Variants in AGBL4 observed in about 807,000 individuals in gnomAD.
AGBL4 encodes AGBL carboxypeptidase 4.
Under a neutral mutation model 66.4 loss-of-function variants are expected in AGBL4, and 58 were observed. The ratio of observed to expected loss-of-function variants is 0.87; its 90% confidence interval spans 0.71 to 1.09. The LOEUF is 1.09. AGBL4 is among the 50% of genes least tolerant of loss of function. The probability of loss-of-function intolerance (pLI) is 0.00; values close to 1 mark genes in which losing one functional copy is unlikely to be tolerated. For synonymous variants in AGBL4, 234 were observed against 222.9 expected (o/e 1.05, Z -0.44); for missense variants, 579 against 631.0 (o/e 0.92, Z 0.88).
At chr1:49,538,381 T>C (rs1222082836) in intron 3 of AGBL4, among the ~76,000 whole-genome samples, 1 of 152,158 alleles carries the variant, frequency 6.6e-6, no homozygotes, top group African/African-American at 2.4e-5. Context: ...TAACAGACAT[T>C]GGAGACTTGG....
chr1:49,599,975 C>T (rs980491477), intron 3 of AGBL4, among the ~76,000 whole-genome samples: 8 of 152,232 alleles, frequency 5.3e-5, no homozygotes, highest in East Asian at 1.9e-4. Context: ...GTCTGAGAGA[C>T]GATTGGTTAT....
intron 3 of AGBL4, among the ~76,000 whole-genome samples, chr1:49,425,296 C>T (rs1645632278): frequency 1.3e-5 from 2 of 151,930 alleles, no homozygotes; most frequent in African/African-American, 4.8e-5. Flanking sequence ...AAAGAAAGGA[C>T]CAAATTGGCT....
chr1:49,961,632 A>G (rs1386137670), intron 1 of AGBL4, among the ~76,000 whole-genome samples: 3 of 152,162 alleles, frequency 2.0e-5, no homozygotes, highest in African/African-American at 7.2e-5. Context: ...TTTTAATAAA[A>G]GATGCTTTGA....
At chr1:48,924,352 C>G (rs1654344940) in intron 5 of AGBL4, among the ~76,000 whole-genome samples, 1 of 151,924 alleles carries the variant, frequency 6.6e-6, no homozygotes, top group Admixed American at 6.6e-5. Context: ...TTTGTTCTCT[C>G]ACCTGAGACC....
chr1:49,267,790 G>T (rs1643958587), intron 3 of AGBL4, among the ~76,000 whole-genome samples: 1 of 152,158 alleles, frequency 6.6e-6, no homozygotes, highest in African/African-American at 2.4e-5. Context: ...AAGGCAAAAG[G>T]CACATCTTAC....
chr1:49,011,452 C>T (rs1323793846), intron 5 of AGBL4, among the ~76,000 whole-genome samples: 1 of 152,168 alleles, frequency 6.6e-6, no homozygotes, highest in Non-Finnish European at 1.5e-5. Context: ...ACTAGTTCAA[C>T]CATTGTGCAA....
intron 4 of AGBL4, among the ~76,000 whole-genome samples, chr1:49,081,846 A>G (rs1644814340): frequency 6.6e-6 from 1 of 152,120 alleles, no homozygotes; most frequent in Non-Finnish European, 1.5e-5. Flanking sequence ...CAGAGGAGCT[A>G]GAGATAGGAA....
intron 3 of AGBL4, among the ~76,000 whole-genome samples, chr1:49,391,211 A>C (rs1644838890): frequency 6.6e-6 from 1 of 152,234 alleles, no homozygotes; most frequent in Non-Finnish European, 1.5e-5. Context: ...AAGGAGGCAC[A>C]GGCAACATTG....
intron 6 of AGBL4, among the ~76,000 whole-genome samples, chr1:48,719,213 C>G (rs1219857281): frequency 6.6e-6 from 1 of 152,124 alleles, no homozygotes; most frequent in African/African-American, 2.4e-5. Context: ...AGGGTGGATG[C>G]TGTGTCTGAC....
intron 5 of AGBL4, among the ~76,000 whole-genome samples, chr1:48,937,130 C>G (rs1655546203): frequency 6.6e-6 from 1 of 152,198 alleles, no homozygotes; most frequent in South Asian, 2.1e-4. Context: ...GTACTTGAAT[C>G]TAAGCATCCA....
chr1:49,775,562 G>GT (rs1271594335), intron 2 of AGBL4, among the ~76,000 whole-genome samples: 5 of 151,854 alleles, frequency 3.3e-5, no homozygotes, highest in African/African-American at 1.2e-4. Flanking sequence ...CCAAACCAAA[G>GT]TTTTTTCTAA....
At chr1:49,357,407 A>G (rs1418537778) in intron 3 of AGBL4, among the ~76,000 whole-genome samples, 1 of 152,226 alleles carries the variant, frequency 6.6e-6, no homozygotes, top group African/African-American at 2.4e-5. Flanking sequence ...GGAGAACCAG[A>G]GCAAGCAATA....
At chr1:49,027,900 G>A in intron 5 of AGBL4, among the ~76,000 whole-genome samples, 1 of 152,156 alleles carries the variant, frequency 6.6e-6, no homozygotes, top group Middle Eastern at 3.2e-3. Context: ...TCCCTACCCA[G>A]AGCCTAGCTC....
intron 4 of AGBL4, among the ~76,000 whole-genome samples, chr1:49,084,053 C>T (rs535940419): frequency 5.3e-5 from 8 of 152,304 alleles, no homozygotes; most frequent in Admixed American, 5.2e-4. Flanking sequence ...ACCACCTCAG[C>T]CTGGACCTCA....
intron 3 of AGBL4, among the ~76,000 whole-genome samples, chr1:49,671,454 C>T (rs966575654): frequency 9.2e-5 from 14 of 151,970 alleles, no homozygotes; most frequent in Admixed American, 6.6e-4. Context: ...ACATCAAAAG[C>T]GATAACAACA....
At chr1:49,816,468 C>A (rs1202279873) in intron 2 of AGBL4, among the ~76,000 whole-genome samples, 5 of 152,100 alleles carry the variant, frequency 3.3e-5, no homozygotes, top group African/African-American at 7.2e-5. Flanking sequence ...CTATTCATAT[C>A]TAGATTTTAT....
At chr1:49,994,601 T>C (rs1334362465) in intron 1 of AGBL4, 1 of 152,670 alleles carries the variant, frequency 6.6e-6, no homozygotes, top group Non-Finnish European at 1.5e-5. Flanking sequence ...ATAATAATTT[T>C]CATTTAAAAA....
chr1:49,405,776 G>A (rs1415370197), intron 3 of AGBL4, among the ~76,000 whole-genome samples: 1 of 152,152 alleles, frequency 6.6e-6, no homozygotes, highest in Non-Finnish European at 1.5e-5. Flanking sequence ...ATGGGTGTGT[G>A]GAAGTAACAG....
At chr1:49,005,541 G>C (rs1320538801) in intron 5 of AGBL4, among the ~76,000 whole-genome samples, 2 of 152,150 alleles carry the variant, frequency 1.3e-5, no homozygotes, top group Non-Finnish European at 2.9e-5. Flanking sequence ...TTGTATTCAA[G>C]TAACCCTTAT....
Sources: allele counts gnomAD v4.1 joint callset (sites outside exome capture counted in the v4.1 genomes callset), GRCh38; gene constraint gnomAD v4.1.1; transcripts MANE v1.5; gene names NCBI Gene and HGNC (gene_info 2026-07-23, HGNC 2026-07-21).